Variants in OXR1 observed in about 807,000 individuals in gnomAD.
OXR1 encodes oxidation resistance 1.
In OXR1, 41 loss-of-function variants were observed where a neutral mutation model predicts 104.6. The ratio of observed to expected loss-of-function variants is 0.39; its 90% CI spans 0.31 to 0.51. The LOEUF (loss-of-function observed/expected upper bound fraction) is 0.51, where lower values mean the gene tolerates loss of function less well. Among genes scored for constraint, OXR1 ranks in the 20% least tolerant of loss-of-function variants. OXR1 has a pLI of 0.77. For missense variants in OXR1, 955 were observed against 1,031.9 expected (o/e 0.93, Z 1.02); for synonymous variants, 348 against 348.4 (o/e 1.00, Z 0.01).
chr8:106,382,841 G>A (rs1273336531), intron 2 of OXR1, among the ~76,000 whole-genome samples: 1 of 151,728 alleles, frequency 6.6e-6, no homozygotes, highest in Non-Finnish European at 1.5e-5. Context: ...ATTATATATG[G>A]GAAAACTAAG....
At position 106,330,616 on chromosome 8, in the gene OXR1, T is replaced by C. The variant is rs118136652; in HGVS notation, c.-138-28860T>C. ...CTGTTTTGGGGAGTTTTGGATGGGG[T>C]TTATTACTGCTGGATGTTAAGAACT... On this transcript the variant is annotated intron_variant, in intron 1 of 16. Transcript: ENST00000517566. 5.0e-3 allele frequency among the ~76,000 whole-genome samples: 761 copies of C among 152,240 alleles called. 14 individuals are homozygous for C. The highest frequency in any genetic ancestry group is 0.034 in the Admixed American group (515 of 15,288).
At chr8:106,606,258 G>C (rs1411975568) in intron 3 of OXR1, among the ~76,000 whole-genome samples, 3 of 150,868 alleles carry the variant, frequency 2.0e-5, no homozygotes, top group Non-Finnish European at 4.4e-5. Context: ...GTCCCAGCAA[G>C]TCTTCCTTAG....
chr8:106,288,320 T>C (rs75594846), intron 1 of OXR1, among the ~76,000 whole-genome samples: 2 of 152,230 alleles, frequency 1.3e-5, no homozygotes, highest in East Asian at 3.9e-4. Flanking sequence ...ATTCTGTTAT[T>C]TACAGTACAG....
At chr8:106,281,673 G>A (rs774881256) in intron 1 of OXR1, among the ~76,000 whole-genome samples, 7 of 151,948 alleles carry the variant, frequency 4.6e-5, no homozygotes, top group South Asian at 2.1e-4. Context: ...ACTGGCGCAC[G>A]CCTGTAGTCC....
At chr8:106,457,690 G>A (rs909001524) in intron 2 of OXR1, among the ~76,000 whole-genome samples, 2 of 152,114 alleles carry the variant, frequency 1.3e-5, no homozygotes, top group African/African-American at 4.8e-5. Flanking sequence ...TTAAGTGGTT[G>A]GTCTCAGAAT....
chr8:106,748,554 CTTTTTTTTTTT>C (rs71307088), intron 16 of OXR1, among the ~76,000 whole-genome samples: 3 of 48,874 alleles, frequency 6.1e-5, no homozygotes, highest in African/African-American at 2.1e-4. Flanking sequence ...AGTACCAACT[CTTTTTTTTTTT>C]TTTTTTTTTT....
At chr8:106,499,203 G>GATGTTTAA (rs1442432355) in intron 2 of OXR1, among the ~76,000 whole-genome samples, 1 of 151,632 alleles carries the variant, frequency 6.6e-6, no homozygotes, top group Non-Finnish European at 1.5e-5. Flanking sequence ...AGAATTAGGA[G>GATGTTTAA]ATGTTTAAAT....
At chr8:106,499,695 T>G (rs1811654610) in intron 2 of OXR1, among the ~76,000 whole-genome samples, 1 of 152,196 alleles carries the variant, frequency 6.6e-6, no homozygotes, top group Non-Finnish European at 1.5e-5. Flanking sequence ...TTTGAATAAC[T>G]GGTAGAGTTT....
intron 2 of OXR1, among the ~76,000 whole-genome samples, chr8:106,395,357 T>C (rs2130455852): frequency 6.6e-6 from 1 of 152,296 alleles, no homozygotes; most frequent in East Asian, 1.9e-4. Flanking sequence ...AGAAGTTTAG[T>C]TGGACTTACA....
At chr8:106,424,182 C>G (rs544175714) in intron 2 of OXR1, among the ~76,000 whole-genome samples, 59 of 152,188 alleles carry the variant, frequency 3.9e-4, no homozygotes, top group Non-Finnish European at 7.6e-4. Context: ...AAGTGATCCA[C>G]CCCCCTCAGC....
At chr8:106,719,367 A>G (rs1563743828) in intron 11 of OXR1, among the ~76,000 whole-genome samples, 2 of 152,248 alleles carry the variant, frequency 1.3e-5, no homozygotes, top group Admixed American at 6.5e-5. Flanking sequence ...GATTAATAGT[A>G]AAACAAATTC....
chr8:106,618,789 T>C (rs1821448009), intron 3 of OXR1, among the ~76,000 whole-genome samples: 1 of 152,242 alleles, frequency 6.6e-6, no homozygotes, highest in Admixed American at 6.5e-5. Context: ...TTTGTTTAAA[T>C]GTCTCTGTTC....
At chr8:106,413,138 GAAAA>G (rs11287871) in intron 2 of OXR1, among the ~76,000 whole-genome samples, 4 of 150,130 alleles carry the variant, frequency 2.7e-5, no homozygotes, top group African/African-American at 9.7e-5. Context: ...TACTTTTGTA[GAAAA>G]AAAAAATATA....
chr8:106,562,636 C>G lies in OXR1; in HGVS notation c.220+43497C>G, dbSNP rs148835006. ...ATAAAGAGAACACCACAAAGACACT[C>G]TTCGAGACAGCAACCCCAAGACAAA... is the stretch of plus-strand genomic sequence containing the variant. On this transcript the variant is annotated intron_variant, in intron 3 of 16. Coordinates refer to ENST00000517566, the MANE Select transcript of OXR1 (RefSeq NM_001198533.2). Among the ~76,000 whole-genome samples, 54 of 152,204 alleles carry G rather than the reference C, an allele frequency of 3.5e-4. No individual in the cohort carries two copies. In the East Asian group the frequency reaches 8.9e-3, roughly 25 times the overall value.
intron 3 of OXR1, among the ~76,000 whole-genome samples, chr8:106,584,240 A>C (rs763147729): frequency 3.9e-5 from 6 of 151,994 alleles, no homozygotes; most frequent in Non-Finnish European, 5.9e-5. Context: ...AAAAGTAGAG[A>C]AACCTGAGGG....
At chr8:106,555,197 C>G (rs1224632989) in intron 3 of OXR1, among the ~76,000 whole-genome samples, 7 of 152,058 alleles carry the variant, frequency 4.6e-5, no homozygotes, top group Non-Finnish European at 7.4e-5. Context: ...TTGGAAACCA[C>G]TGTTTTATAT....
intron 10 of OXR1, among the ~76,000 whole-genome samples, chr8:106,711,381 T>G (rs187361353): frequency 2.6e-5 from 4 of 152,258 alleles, no homozygotes; most frequent in Non-Finnish European, 5.9e-5. Context: ...TCACTTAAAA[T>G]TACTTTAACA....
At chr8:106,470,474 G>A (rs909270440) in intron 2 of OXR1, among the ~76,000 whole-genome samples, 2 of 151,680 alleles carry the variant, frequency 1.3e-5, no homozygotes, top group Non-Finnish European at 2.9e-5. Flanking sequence ...CAACCAAGAT[G>A]GGAAAGACTG....
chr8:106,496,350 G>A (rs1306983537), intron 2 of OXR1, among the ~76,000 whole-genome samples: 4 of 152,046 alleles, frequency 2.6e-5, no homozygotes, highest in Non-Finnish European at 5.9e-5. Context: ...AGTTTTAGAA[G>A]CACTAAGCTA....
Sources: allele counts gnomAD v4.1 joint callset (sites outside exome capture counted in the v4.1 genomes callset), GRCh38; gene constraint gnomAD v4.1.1; transcripts MANE v1.5; gene names NCBI Gene and HGNC (gene_info 2026-07-23, HGNC 2026-07-21).